Variants in CDC14B observed in about 807,000 individuals in gnomAD.
CDC14B encodes the protein cell division cycle 14B.
A neutral mutation model predicts 64.2 loss-of-function variants in CDC14B; 22 were observed. The observed-to-expected ratio is 0.34, with a 90% CI of 0.24 to 0.49. The LOEUF (loss-of-function observed/expected upper bound fraction) is 0.49, where lower values mean the gene tolerates loss of function less well. Among genes scored for constraint, CDC14B ranks in the 20% least tolerant of loss-of-function variants. CDC14B has a pLI of 0.99. For synonymous variants in CDC14B, 191 were observed against 215.8 expected, an observed-to-expected ratio of 0.89 and a Z score of 1.01; for missense variants, 498 against 629.9, an observed-to-expected ratio of 0.79 and a Z score of 2.24.
intron 9 of CDC14B, among the ~76,000 whole-genome samples, chr9:96,528,830 G>T (rs1308746119): frequency 6.6e-6 from 1 of 152,184 alleles, no homozygotes; most frequent in Non-Finnish European, 1.5e-5. Context: ...ATCTCACTGT[G>T]GTTGTGATTT....
Position 96,538,332 on chromosome 9 carries a change from GA to G in CDC14B, c.627+745del, listed in dbSNP as rs200160697. Among the ~76,000 whole-genome samples, 130 of 152,244 alleles carry G rather than the reference GA, an allele frequency of 8.5e-4. 2 individuals are homozygous for G. In the East Asian group the frequency reaches 0.022, roughly 26 times the overall value. ...TGAGAATTGGGACAGGAGAAATAGG[GA>G]TAAGAAGATGAAGACTTGACTTTTT... is the stretch of plus-strand genomic sequence containing the variant. On this transcript the variant is annotated intron_variant, in intron 7 of 13. Transcript: ENST00000375241.
At chr9:96,618,325 A>G (rs1308965057) in intron 1 of CDC14B, among the ~76,000 whole-genome samples, 1 of 152,212 alleles carries the variant, frequency 6.6e-6, no homozygotes, top group East Asian at 1.9e-4. Flanking sequence ...AAAATCGTGG[A>G]CAGCTCTGCT....
At chr9:96,608,892 GACACACACACACAC>G (rs59953256) in intron 1 of CDC14B, among the ~76,000 whole-genome samples, 7 of 144,560 alleles carry the variant, frequency 4.8e-5, no homozygotes, top group South Asian at 2.2e-4. Flanking sequence ...TTAAAACACA[GACACACACACACAC>G]ACACACACAC....
At chr9:96,619,159 C>G in intron 1 of CDC14B, 60 bp downstream of exon 1, 1 of 1,205,750 alleles carries the variant, frequency 8.3e-7, no homozygotes, top group Admixed American at 4.4e-5. Context: ...GGAGGTGGGC[C>G]AGGGCCCCGC....
intron 1 of CDC14B, among the ~76,000 whole-genome samples, chr9:96,593,089 T>G (rs181520250): frequency 2.0e-5 from 3 of 152,302 alleles, no homozygotes; most frequent in Non-Finnish European, 2.9e-5. Context: ...AAACCCCATT[T>G]GTAGTTCCTA....
Position 96,515,843 on chromosome 9 carries a change from A to G in CDC14B, c.1344-6054T>C. On this transcript the variant is annotated intron_variant, in intron 12 of 13. Coordinates refer to ENST00000375241, the MANE Select transcript of CDC14B (RefSeq NM_033331.4). This position sits in a 1 kb window ranked among gnomAD's most constrained non-coding sequence, Gnocchi z 4.3. Reference sequence around the variant, plus strand: ...CAGATGTTCAAATTGGGAAGCCAAAATAAATTACGCAATCATCAATCAATC... The same window carrying G: ...CAGATGTTCAAATTGGGAAGCCAAAGTAAATTACGCAATCATCAATCAATC... The G allele has an allele frequency of 6.6e-7, 1 of 1,505,414 alleles. No individual in the cohort carries two copies. The highest frequency in any genetic ancestry group is 9.0e-7 in the Non-Finnish European group (1 of 1,117,114). The allele number at this position is 1,505,414 out of a possible 1,614,324, so 93.3% of individuals were successfully genotyped here. A position where few individuals can be genotyped will look rare whatever the true frequency, so the allele number is the denominator to read the frequency against.
At chr9:96,592,182 A>T (rs1845829274) in intron 1 of CDC14B, among the ~76,000 whole-genome samples, 1 of 152,162 alleles carries the variant, frequency 6.6e-6, no homozygotes, top group South Asian at 2.1e-4. Context: ...GGCTCAAGCG[A>T]TCCCACCTCA....
intron 1 of CDC14B, among the ~76,000 whole-genome samples, chr9:96,615,957 G>A (rs1420813268): frequency 6.6e-6 from 1 of 152,158 alleles, no homozygotes; most frequent in East Asian, 1.9e-4. Flanking sequence ...AATAGGGACT[G>A]GAAAACCCCC....
intron 4 of CDC14B, among the ~76,000 whole-genome samples, chr9:96,554,017 T>A (rs1842169122): frequency 6.6e-6 from 1 of 151,778 alleles, no homozygotes; most frequent in Admixed American, 6.6e-5. Flanking sequence ...TACAAAAAAT[T>A]ACCCTGCATG....
chr9:96,522,516 T>G lies in CDC14B; in HGVS notation c.1333A>C (p.Ile445Leu). The change falls in exon 12 of 14, where the codon ATT (isoleucine) becomes CTT (leucine). Residue 445 changes from isoleucine to leucine, a missense_variant. Coordinates refer to ENST00000375241, the MANE Select transcript of CDC14B (RefSeq NM_033331.4). ...GGAACCCAGACTCACGTGAGAGGAA[T>G]AGCGTTTGTTTTGGATTGTCTTCTG... is the stretch of plus-strand genomic sequence containing the variant. ...KSRRQSKTNA[I>L]PLTVILQSSV... is the part of the protein sequence containing the mutation. 1 of 1,608,442 alleles carries G rather than the reference T, an allele frequency of 6.2e-7. No individual in the cohort carries two copies.
chr9:96,492,643 C>G (rs1468622190), exon 14 of CDC14B: 3 of 152,554 alleles, frequency 2.0e-5, no homozygotes, highest in Non-Finnish European at 4.4e-5. Flanking sequence ...ACTCAGGAGG[C>G]TGAGGCAGGA....
chr9:96,530,608 T>G (rs963337682), intron 9 of CDC14B, among the ~76,000 whole-genome samples: 1 of 151,840 alleles, frequency 6.6e-6, no homozygotes, highest in African/African-American at 2.4e-5. Flanking sequence ...ATATAAGTCA[T>G]ATCATCTGCA....
In CDC14B at chr9:96,509,756, T is replaced by G; in HGVS notation, c.1377A>C (p.Lys459Asn). The change falls in exon 13 of 14, where the codon AAA (lysine) becomes AAC (asparagine). Residue 459 changes from lysine to asparagine, a missense_variant. Lys to Asn is a moderately conservative substitution (Grantham distance 94, BLOSUM62 0). Coordinates refer to ENST00000375241, the MANE Select transcript of CDC14B (RefSeq NM_033331.4). ...TGCCAGAAATGTTAGGTTCAGATGT[T>G]TTACAGCTCTGAACACTGGATTGAA... ...VILQSSVQSC[K>N]TSEPNISGSA... The G allele has an allele frequency of 1.2e-6, 2 of 1,611,140 alleles. No homozygotes were observed. The highest frequency in any genetic ancestry group is 1.7e-6 in the Non-Finnish European group (2 of 1,177,318).
At position 96,502,808 on chromosome 9, in the gene CDC14B, A is replaced by G. The variant is rs75256271; in HGVS notation, c.*945T>C. 16 of 371,734 alleles carry G rather than the reference A, an allele frequency of 4.3e-5. No individual in the cohort carries two copies. Among genetic ancestry groups the G allele is most frequent in the Middle Eastern group, 6.8e-4 (1 of 1,476 alleles). The allele number at this position is 371,734 out of a possible 1,614,324, so 23.0% of individuals were successfully genotyped here. On this transcript the variant is annotated 3_prime_UTR_variant, in exon 14 of 14. Coordinates refer to ENST00000375241, the MANE Select transcript of CDC14B (RefSeq NM_033331.4). ...TGGCCTTAGGTGGATCTCATAAGGG[A>G]AAAAAAAAATCCAATGTTACAGGGA...
At chr9:96,512,522 G>A (rs1160867928) in intron 12 of CDC14B, among the ~76,000 whole-genome samples, 1 of 151,528 alleles carries the variant, frequency 6.6e-6, no homozygotes, top group Non-Finnish European at 1.5e-5. Context: ...ATGGGGTCTC[G>A]CTATGTTGCC....
In CDC14B at chr9:96,589,334, G is replaced by A. The variant is rs576696157; in HGVS notation, c.161-23851C>T. Among the ~76,000 whole-genome samples the A allele has an allele frequency of 1.1e-3, 95 of 89,140 alleles. 1 individual carries two copies. The highest frequency in any genetic ancestry group is 6.4e-3 in the East Asian group (6 of 936). The allele number at this position is 89,140 out of a possible 152,430, so 58.5% of individuals were successfully genotyped here. A position where few individuals can be genotyped will look rare whatever the true frequency, so the allele number is the denominator to read the frequency against. Reference sequence around the variant, plus strand: ...AGCCTGGGCAACAAAGTGAGACTCCGTCTTAAAAAAAAAAAAAATACACCT... The same window carrying A: ...AGCCTGGGCAACAAAGTGAGACTCCATCTTAAAAAAAAAAAAAATACACCT... On this transcript the variant is annotated intron_variant, in intron 1 of 13. Transcript: ENST00000375241.
At chr9:96,517,523 G>C (rs1469033595) in intron 12 of CDC14B, among the ~76,000 whole-genome samples, 1 of 146,342 alleles carries the variant, frequency 6.8e-6, no homozygotes, top group East Asian at 2.1e-4. Context: ...GTGGTGGCAG[G>C]CACCACGCTA....
At chr9:96,618,011 G>A (rs955399154) in intron 1 of CDC14B, among the ~76,000 whole-genome samples, 15 of 152,142 alleles carry the variant, frequency 9.9e-5, no homozygotes, top group African/African-American at 3.6e-4. Context: ...ACCGGCCGGG[G>A]ACTGGTACTC....
chr9:96,584,189 T>C (rs1020153664), intron 1 of CDC14B, among the ~76,000 whole-genome samples: 7 of 152,204 alleles, frequency 4.6e-5, no homozygotes, highest in Admixed American at 3.3e-4. Flanking sequence ...TAAATATGCA[T>C]TGAATGAACG....
Sources: allele counts gnomAD v4.1 joint callset (sites outside exome capture counted in the v4.1 genomes callset), GRCh38; gene constraint gnomAD v4.1.1; non-coding constraint Gnocchi (gnomAD v3.1); transcripts MANE v1.5; gene names NCBI Gene and HGNC (gene_info 2026-07-23, HGNC 2026-07-21).